Variants in ADGRV1 observed in about 807,000 individuals in gnomAD.
ADGRV1 encodes adhesion G protein-coupled receptor V1, also known as G-protein coupled receptor 98.
ADGRV1 carries 359 observed loss-of-function variants against 596.2 expected under a neutral mutation model. That is an observed-to-expected ratio of 0.60 (90% CI 0.55 to 0.66). ADGRV1 has a LOEUF of 0.66. Ranked by LOEUF, ADGRV1 falls within the 30% of genes least tolerant of loss-of-function variation. ADGRV1 has a pLI of 0.00. For missense variants in ADGRV1, 7,274 were observed against 7,575.6 expected (o/e 0.96, Z 1.48); for synonymous variants, 2,681 against 2,679.2 (o/e 1.00, Z -0.02).
chr5:90,920,886 T>C (rs953031599), intron 83 of ADGRV1, among the ~76,000 whole-genome samples: 1 of 152,218 alleles, frequency 6.6e-6, no homozygotes, highest in East Asian at 1.9e-4. Flanking sequence ...CATTTTCTAT[T>C]TCTCATCTTC....
intron 86 of ADGRV1, among the ~76,000 whole-genome samples, chr5:91,093,101 T>G (rs749727548): frequency 1.3e-5 from 2 of 152,242 alleles, no homozygotes; most frequent in Non-Finnish European, 2.9e-5. Flanking sequence ...ACCAAATTGA[T>G]GCATGAATTA....
chr5:90,895,117 G>A lies in ADGRV1; in HGVS notation c.17856+31260G>A, dbSNP rs1409134006. Among the ~76,000 whole-genome samples, 4 of 151,756 alleles carry A rather than the reference G, an allele frequency of 2.6e-5. No individual in the cohort carries two copies. The East Asian group carries it at 5.8e-4, about 22-fold the overall frequency. On this transcript the variant is annotated intron_variant, in intron 83 of 89. Transcript: ENST00000405460. ...CTAATTTTTTTTATTTTTTATTTTT[G>A]TAGAGATGAGGTCTTGCTGTAATGC... is the stretch of plus-strand genomic sequence containing the variant.
At chr5:90,948,437 G>A (rs1004614325) in intron 83 of ADGRV1, among the ~76,000 whole-genome samples, 1 of 152,044 alleles carries the variant, frequency 6.6e-6, no homozygotes, top group Non-Finnish European at 1.5e-5. Context: ...CAACTAGAAT[G>A]GCTAAGATTA....
In ADGRV1 at chr5:90,823,438, GT is replaced by G; in HGVS notation, c.16211del (p.Val5404AlafsTer21). Reference sequence around the variant, plus strand: ...TCTTGCTCACAGGGCCTTTGAAGATGTCAAGGTCTTTTGGCGAGTCACACTT... The same window carrying G: ...TCTTGCTCACAGGGCCTTTGAAGATGCAAGGTCTTTTGGCGAGTCACACTT... ...TRQPNRAFED[V>X]KVFWRVTLNK... On this transcript the variant is annotated frameshift_variant, in exon 76 of 90. Coordinates refer to ENST00000405460, the MANE Select transcript of ADGRV1 (RefSeq NM_032119.4). LOFTEE classifies it high-confidence loss of function. 6.2e-7 allele frequency: 1 copy of G among 1,613,844 alleles called. No individual in the cohort carries two copies. Among genetic ancestry groups the G allele is most frequent in the Non-Finnish European group, 8.5e-7 (1 of 1,179,860 alleles).
chr5:90,998,270 G>A (rs902574616), intron 85 of ADGRV1, among the ~76,000 whole-genome samples: 2 of 152,024 alleles, frequency 1.3e-5, no homozygotes, highest in Non-Finnish European at 2.9e-5. Context: ...TGTCTTGGTC[G>A]GTGAGTGCTG....
intron 65 of ADGRV1, 93 bp downstream of exon 65, chr5:90,781,671 T>C (rs1758868740): frequency 1.7e-6 from 2 of 1,151,948 alleles, no homozygotes; most frequent in Admixed American, 2.6e-5. Flanking sequence ...TTTAGTTTGG[T>C]GTGGGTGTGT....
At chr5:90,572,439 A>T (rs1245240131) in intron 1 of ADGRV1, among the ~76,000 whole-genome samples, 2 of 152,208 alleles carry the variant, frequency 1.3e-5, no homozygotes, top group African/African-American at 4.8e-5. Context: ...TCATCCATTC[A>T]TTCACCAAAT....
chr5:90,856,882 TG>T (rs1389087029), intron 82 of ADGRV1, among the ~76,000 whole-genome samples: 1 of 152,226 alleles, frequency 6.6e-6, no homozygotes, highest in African/African-American at 2.4e-5. Context: ...AGTGATATTT[TG>T]TCTGTAAATG....
chr5:90,812,003 A>G (rs1762486111), intron 74 of ADGRV1, among the ~76,000 whole-genome samples: 1 of 148,566 alleles, frequency 6.7e-6, no homozygotes, highest in Admixed American at 6.8e-5. Flanking sequence ...ATCACAGCTC[A>G]CTGCAACCTC....
chr5:91,123,372 A>G (rs114403422), intron 87 of ADGRV1, among the ~76,000 whole-genome samples: 1,691 of 152,286 alleles, frequency 0.011, 31 homozygotes, highest in African/African-American at 0.038. Flanking sequence ...TCAAAGTGCC[A>G]GCAGATTTGG....
intron 83 of ADGRV1, among the ~76,000 whole-genome samples, chr5:90,910,644 C>CAT (rs1193438282): frequency 6.6e-6 from 1 of 151,260 alleles, no homozygotes; most frequent in Non-Finnish European, 1.5e-5. Flanking sequence ...TGAGAATAAA[C>CAT]ATATATATTA....
chr5:90,987,221 C>T (rs1057079185), intron 85 of ADGRV1, among the ~76,000 whole-genome samples: 3 of 152,136 alleles, frequency 2.0e-5, no homozygotes, highest in Non-Finnish European at 4.4e-5. Flanking sequence ...TAGCTCACGC[C>T]TGTAATCCCA....
At chr5:91,064,653 T>C (rs1463091710) in intron 85 of ADGRV1, among the ~76,000 whole-genome samples, 3 of 152,210 alleles carry the variant, frequency 2.0e-5, no homozygotes, top group Admixed American at 1.3e-4. Flanking sequence ...TAAACAAAAA[T>C]GCATTTTAGA....
chr5:90,819,874 GA>G (rs914779984), intron 75 of ADGRV1, among the ~76,000 whole-genome samples: 5 of 151,960 alleles, frequency 3.3e-5, no homozygotes, highest in African/African-American at 9.7e-5. Flanking sequence ...GTGTGGTGCT[GA>G]AAAAAATGTA....
chr5:90,881,373 T>C (rs1769753040), intron 83 of ADGRV1, among the ~76,000 whole-genome samples: 1 of 152,188 alleles, frequency 6.6e-6, no homozygotes, highest in East Asian at 1.9e-4. Flanking sequence ...CCTGTTAGCT[T>C]GACATTGTGT....
intron 5 of ADGRV1, among the ~76,000 whole-genome samples, chr5:90,624,828 T>G (rs1485175473): frequency 6.6e-6 from 1 of 152,158 alleles, no homozygotes; most frequent in Admixed American, 6.5e-5. Flanking sequence ...AATTTACTAA[T>G]CTTGAATACC....
intron 1 of ADGRV1, among the ~76,000 whole-genome samples, chr5:90,569,992 T>C (rs1756312286): frequency 6.6e-6 from 1 of 152,142 alleles, no homozygotes; most frequent in Non-Finnish European, 1.5e-5. Flanking sequence ...TAAAAGTACA[T>C]TTATGCCATC....
intron 87 of ADGRV1, among the ~76,000 whole-genome samples, chr5:91,138,585 C>T (rs911311245): frequency 4.6e-5 from 7 of 151,834 alleles, no homozygotes; most frequent in Admixed American, 3.3e-4. Context: ...AAAGAGTATT[C>T]GAAAATAATA....
At chr5:91,137,843 C>T (rs1487282276) in intron 87 of ADGRV1, among the ~76,000 whole-genome samples, 1 of 152,164 alleles carries the variant, frequency 6.6e-6, no homozygotes, top group Non-Finnish European at 1.5e-5. Context: ...CAGGTGGACA[C>T]TTAGCTATTA....
Sources: allele counts gnomAD v4.1 joint callset (sites outside exome capture counted in the v4.1 genomes callset), GRCh38; gene constraint gnomAD v4.1.1; transcripts MANE v1.5; gene names NCBI Gene and HGNC (gene_info 2026-07-23, HGNC 2026-07-21).